The following MAP4 variants were observed in gnomAD, a reference collection of about 807,000 sequenced individuals.
MAP4 encodes microtubule-associated protein 4.
Under a neutral mutation model 170.2 loss-of-function variants are expected in MAP4, and 76 were observed. The observed-to-expected ratio is 0.45, with a 90% CI of 0.37 to 0.54. The LOEUF (loss-of-function observed/expected upper bound fraction) is 0.54, where lower values mean the gene tolerates loss of function less well. MAP4 is among the 20% of genes least tolerant of loss of function. The pLI is 0.00. For synonymous variants in MAP4, 909 were observed against 994.5 expected (o/e 0.91, Z 1.62); for missense variants, 2,506 against 2,748.0 (o/e 0.91, Z 1.97).
chr3:48,051,074 T>A (rs1473657008), intron 1 of MAP4, among the ~76,000 whole-genome samples: 1 of 150,726 alleles, frequency 6.6e-6, no homozygotes, highest in African/African-American at 2.5e-5. Flanking sequence ...CAAATCACCT[T>A]TGAAAACCAT....
chr3:48,051,633 T>G (rs1014167169), intron 1 of MAP4, among the ~76,000 whole-genome samples: 1 of 152,156 alleles, frequency 6.6e-6, no homozygotes, highest in Admixed American at 6.5e-5. Context: ...AATCTAGATA[T>G]CCATCAATTA....
At chr3:48,077,180 C>T (rs542188093) in intron 1 of MAP4, among the ~76,000 whole-genome samples, 1 of 152,168 alleles carries the variant, frequency 6.6e-6, no homozygotes, top group Admixed American at 6.6e-5. Context: ...CGGTGGCTCA[C>T]GCCTGTAATC....
chr3:47,863,214 G>C (rs1254426315), intron 17 of MAP4, among the ~76,000 whole-genome samples: 1 of 152,184 alleles, frequency 6.6e-6, no homozygotes, highest in Non-Finnish European at 1.5e-5. Context: ...GACCTCAGGT[G>C]ATCTGCCTGC....
chr3:47,975,260 C>T, intron 3 of MAP4: 3 of 1,413,066 alleles, frequency 2.1e-6, no homozygotes, highest in Non-Finnish European at 2.8e-6. Context: ...TCAAACCCTG[C>T]AGAGCACAAG....
intron 1 of MAP4, among the ~76,000 whole-genome samples, chr3:48,070,464 CTTT>C (rs1418133568): frequency 1.3e-5 from 2 of 151,476 alleles, no homozygotes; most frequent in Non-Finnish European, 2.9e-5. Flanking sequence ...ATTTCATCTT[CTTT>C]ATCTGTTCTG....
At position 47,916,847 on chromosome 3, in the gene MAP4, T is replaced by C. The variant is rs148645850; in HGVS notation, c.980A>G (p.Asp327Gly). Residue 327 changes from aspartate to glycine, a missense_variant, in exon 7 of 21, where the codon GAT (aspartate) becomes GGT (glycine). Transcript: ENST00000683076. ...VKDVRWPTET[D>G]VSSAKNVVLP... is the part of the protein sequence containing the mutation. ...TACCACATTCTTGGCTGAAGATACA[T>C]CTGTTTCTGTGGGCCATCTGACATC... 6.2e-7 allele frequency: 1 copy of C among 1,614,118 alleles called. No individual in the cohort carries two copies. The highest frequency in any genetic ancestry group is 2.2e-5 in the East Asian group (1 of 44,900).
At chr3:47,863,115 T>C (rs1328239773) in intron 17 of MAP4, among the ~76,000 whole-genome samples, 1 of 152,152 alleles carries the variant, frequency 6.6e-6, no homozygotes, top group Non-Finnish European at 1.5e-5. Flanking sequence ...TAGCTGGGAT[T>C]ATAGGCATGC....
intron 1 of MAP4, among the ~76,000 whole-genome samples, chr3:48,065,778 C>T (rs2100138026): frequency 6.6e-6 from 1 of 152,110 alleles, no homozygotes; most frequent in Non-Finnish European, 1.5e-5. Flanking sequence ...GATATTAACA[C>T]CAAGGCTAAC....
At chr3:48,008,602 G>A (rs893074976) in intron 1 of MAP4, among the ~76,000 whole-genome samples, 71 of 152,348 alleles carry the variant, frequency 4.7e-4, no homozygotes, top group African/African-American at 1.7e-3. Flanking sequence ...GAAGAGGTAT[G>A]TGGATGGACC....
At chr3:47,974,041 T>C (rs2100080445) in intron 3 of MAP4, 1 of 985,396 alleles carries the variant, frequency 1.0e-6, no homozygotes, top group Non-Finnish European at 1.2e-6. Flanking sequence ...GCTTCCTAAA[T>C]TCCGGAAGTC....
chr3:47,915,516 G>A (rs1471125893), intron 7 of MAP4, among the ~76,000 whole-genome samples: 2 of 152,140 alleles, frequency 1.3e-5, no homozygotes, highest in African/African-American at 2.4e-5. Context: ...GGGCAAAAAA[G>A]GGAAGAATAC....
At chr3:47,946,710 A>G (rs1359973354) in intron 3 of MAP4, among the ~76,000 whole-genome samples, 1 of 151,866 alleles carries the variant, frequency 6.6e-6, no homozygotes, top group Non-Finnish European at 1.5e-5. Flanking sequence ...TGTCAGGATA[A>G]TAGACATAAT....
chr3:48,018,583 AT>A (rs903001890), upstream of MAP4, among the ~76,000 whole-genome samples: 1 of 152,032 alleles, frequency 6.6e-6, no homozygotes, highest in African/African-American at 2.4e-5. Flanking sequence ...AGGTGGGTGG[AT>A]TATGAGGTCA....
At chr3:47,895,171 T>TA (rs1433010222) in intron 10 of MAP4, among the ~76,000 whole-genome samples, 1 of 152,132 alleles carries the variant, frequency 6.6e-6, no homozygotes, top group African/African-American at 2.4e-5. Flanking sequence ...GACACACACA[T>TA]ATACACCCTT....
intron 2 of MAP4, chr3:47,987,412 G>A (rs1578840424): frequency 2.0e-6 from 3 of 1,533,104 alleles, no homozygotes; most frequent in Non-Finnish European, 2.6e-6. Context: ...AAGGCTGGCA[G>A]GGTGTGGGGG....
chr3:47,955,437 C>T (rs371528189), intron 3 of MAP4, among the ~76,000 whole-genome samples: 557 of 11,758 alleles, frequency 0.047, 5 homozygotes, highest in African/African-American at 0.059. Context: ...TAAGCACGTA[C>T]ACACACACAC....
chr3:47,888,836 C>T (rs1260138646), intron 10 of MAP4, among the ~76,000 whole-genome samples: 1 of 152,194 alleles, frequency 6.6e-6, no homozygotes, highest in Non-Finnish European at 1.5e-5. Flanking sequence ...ATACTCTCTC[C>T]TTTAGAGAAG....
At chr3:47,937,291 A>G (rs2100053544) in intron 3 of MAP4, among the ~76,000 whole-genome samples, 1 of 152,206 alleles carries the variant, frequency 6.6e-6, no homozygotes, top group Non-Finnish European at 1.5e-5. Flanking sequence ...GAAAGTACTC[A>G]TTACTTGTCT....
At chr3:48,028,292 T>TG (rs952599241) in intron 1 of MAP4, among the ~76,000 whole-genome samples, 75 of 151,122 alleles carry the variant, frequency 5.0e-4, no homozygotes, top group South Asian at 8.4e-4. Context: ...ACACCATCTC[T>TG]GGGGGGGGAG....
Sources: allele counts gnomAD v4.1 joint callset (sites outside exome capture counted in the v4.1 genomes callset), GRCh38; gene constraint gnomAD v4.1.1; transcripts MANE v1.5; gene names NCBI Gene and HGNC (gene_info 2026-07-23, HGNC 2026-07-21).